Variants in BCAS3 observed in about 807,000 individuals in gnomAD.
BCAS3 encodes the protein BCAS4/BCAS3 fusion.
Under a neutral mutation model 116.1 loss-of-function variants are expected in BCAS3, and 53 were observed. The observed-to-expected ratio is 0.46, with a 90% CI of 0.37 to 0.57. The LOEUF (loss-of-function observed/expected upper bound fraction) is 0.57. BCAS3 is among the 20% of genes least tolerant of loss of function. The pLI is 0.00. For missense variants in BCAS3, 917 were observed against 1,165.4 expected, an observed-to-expected ratio of 0.79 and a Z score of 3.10; for synonymous variants, 391 against 408.2, an observed-to-expected ratio of 0.96 and a Z score of 0.51.
chr17:61,088,487 CT>C lies in BCAS3; in HGVS notation c.2425+3926del, dbSNP rs1340461418. Among the ~76,000 whole-genome samples, 1 of 152,192 alleles carries C rather than the reference CT, an allele frequency of 6.6e-6. No homozygotes were observed. The highest frequency in any genetic ancestry group is 2.4e-5 in the African/African-American group (1 of 41,448). On this transcript the variant is annotated intron_variant, in intron 22 of 23. Coordinates refer to ENST00000407086, the MANE Select transcript of BCAS3 (RefSeq NM_017679.5). The surrounding 1 kb of genome is among the most constrained non-coding windows in gnomAD (Gnocchi z 4.2). The stretch of plus-strand genomic sequence containing the variant: ...ATTTTGGCTAGATAGCTAAGAATTT[CT>C]TTCTATTCTTTGTACCTTATAACCT...
At chr17:60,855,181 C>T (rs2053561768) in intron 7 of BCAS3, among the ~76,000 whole-genome samples, 1 of 151,116 alleles carries the variant, frequency 6.6e-6, no homozygotes, top group African/African-American at 2.4e-5. Context: ...AACTCCTGAC[C>T]TCGTGATCTA....
At chr17:60,917,046 T>A (rs1025174498) in intron 12 of BCAS3, among the ~76,000 whole-genome samples, 1 of 152,158 alleles carries the variant, frequency 6.6e-6, no homozygotes. Flanking sequence ...AATATATATC[T>A]ACGATAAAAC....
intron 22 of BCAS3, among the ~76,000 whole-genome samples, chr17:61,135,394 T>G (rs892849109): frequency 2.0e-5 from 3 of 152,258 alleles, no homozygotes; most frequent in African/African-American, 7.2e-5. Context: ...AATAAGCTTT[T>G]TATTCCTTTG....
At chr17:60,708,522 CTAATAA>C (rs138967495) in intron 4 of BCAS3, among the ~76,000 whole-genome samples, 1 of 151,772 alleles carries the variant, frequency 6.6e-6, no homozygotes, top group African/African-American at 2.4e-5. Context: ...CCAAGCCCAG[CTAATAA>C]TAATAATAAT....
At chr17:61,167,538 C>T (rs2078583187) in intron 22 of BCAS3, among the ~76,000 whole-genome samples, 1 of 152,170 alleles carries the variant, frequency 6.6e-6, no homozygotes, top group East Asian at 1.9e-4. Flanking sequence ...CACAATCTAG[C>T]AGATGTCTGT....
chr17:60,755,447 A>G (rs866710742), intron 6 of BCAS3, among the ~76,000 whole-genome samples: 1 of 152,150 alleles, frequency 6.6e-6, no homozygotes, highest in Non-Finnish European at 1.5e-5. Context: ...TGAAACTGAA[A>G]CTTGTAATAT....
rs1450270102 is a variant in BCAS3, at chr17:61,343,699, G to A, written c.2426-24628G>A. Among the ~76,000 whole-genome samples, 5 of 152,228 alleles carry A rather than the reference G, an allele frequency of 3.3e-5. No individual in the cohort carries two copies. The highest frequency in any genetic ancestry group is 5.9e-5 in the Non-Finnish European group (4 of 68,046). On this transcript the variant is annotated intron_variant, in intron 22 of 23. Coordinates refer to ENST00000407086, the MANE Select transcript of BCAS3 (RefSeq NM_017679.5). The surrounding 1 kb of genome is among the most constrained non-coding windows in gnomAD (Gnocchi z 5.5). ...GTGTGATCAGATGTCTCTCCTGTCAGATTCCCTTTCCAATATTATCCTCCA... is the reference window on the plus strand; with the variant it reads ...GTGTGATCAGATGTCTCTCCTGTCAAATTCCCTTTCCAATATTATCCTCCA...
Position 61,044,201 on chromosome 17 carries a change from A to G in BCAS3, c.2029+3309A>G, listed in dbSNP as rs1453675997. 2.0e-5 allele frequency among the ~76,000 whole-genome samples: 3 copies of G among 151,876 alleles called. No homozygotes were observed. In the East Asian group the frequency reaches 5.8e-4, roughly 29 times the overall value. ...GGTGGCTCAGGCCTGTAATCCCAGC[A>G]CTTTCGGAGACCAAGGCCGGCAGAT... On this transcript the variant is annotated intron_variant, in intron 19 of 23. Transcript: ENST00000407086.
chr17:60,713,112 T>A (rs2038129652), intron 5 of BCAS3, among the ~76,000 whole-genome samples: 1 of 151,906 alleles, frequency 6.6e-6, no homozygotes, highest in Non-Finnish European at 1.5e-5. Flanking sequence ...CTTGAGAGAG[T>A]CCCTCCTTGT....
intron 13 of BCAS3, among the ~76,000 whole-genome samples, chr17:60,936,587 A>C (rs1414087259): frequency 2.0e-5 from 3 of 152,032 alleles, no homozygotes; most frequent in Non-Finnish European, 4.4e-5. Flanking sequence ...AGTGGTTTTG[A>C]TTTGCATTTC....
intron 7 of BCAS3, among the ~76,000 whole-genome samples, chr17:60,856,698 A>G (rs934065967): frequency 6.7e-6 from 1 of 149,846 alleles, no homozygotes; most frequent in Non-Finnish European, 1.5e-5. Context: ...CCAAAAAAAT[A>G]AAAAAAAAAT....
intron 5 of BCAS3, among the ~76,000 whole-genome samples, chr17:60,716,100 C>T (rs1374460682): frequency 6.7e-6 from 1 of 149,654 alleles, no homozygotes; most frequent in Non-Finnish European, 1.5e-5. Flanking sequence ...TGACCTTGTG[C>T]TGTGCCCGCC....
chr17:60,949,329 C>T (rs1217409614), intron 14 of BCAS3, among the ~76,000 whole-genome samples: 1 of 152,168 alleles, frequency 6.6e-6, no homozygotes, highest in Non-Finnish European at 1.5e-5. Context: ...AGGATCATAG[C>T]TGAGTACAGC....
rs114703225 is a variant in BCAS3 at position 61,012,163 on chromosome 17, G to C, written c.1487-3588G>C. 8.9e-3 allele frequency among the ~76,000 whole-genome samples: 1,349 copies of C among 151,622 alleles called. 23 individuals are homozygous for C. Among genetic ancestry groups the C allele is most frequent in the African/African-American group, 0.03 (1,260 of 41,392 alleles). On this transcript the variant is annotated intron_variant, in intron 15 of 23. Coordinates refer to ENST00000407086, the MANE Select transcript of BCAS3 (RefSeq NM_017679.5). This position sits in a 1 kb window ranked among gnomAD's most constrained non-coding sequence, Gnocchi z 4.5. ...GGTTTTCTCCCATTTTTCATTTTTT[G>C]TTAATATGTCTTTCTGTAACATTAC... is the stretch of plus-strand genomic sequence containing the variant.
intron 7 of BCAS3, among the ~76,000 whole-genome samples, chr17:60,828,396 T>G (rs1001918278): frequency 1.3e-5 from 2 of 152,234 alleles, no homozygotes; most frequent in East Asian, 1.9e-4. Context: ...ACCATTTTTT[T>G]GGGGGGGAAA....
rs1286228417 is a variant in BCAS3, at chr17:61,327,619, C to T, written c.2426-40708C>T. On this transcript the variant is annotated intron_variant, in intron 22 of 23. Transcript: ENST00000407086. This position sits in a 1 kb window ranked among gnomAD's most constrained non-coding sequence, Gnocchi z 5.9. Reference sequence around the variant, plus strand: ...CCGCCTCCCGGGTTCAAGACATTCTCCTGCCTCAGCCTCCCGAGTAGCTGG... The same window carrying T: ...CCGCCTCCCGGGTTCAAGACATTCTTCTGCCTCAGCCTCCCGAGTAGCTGG... Among the ~76,000 whole-genome samples the T allele has an allele frequency of 6.6e-6, 1 of 152,100 alleles. No homozygotes were observed. The highest frequency in any genetic ancestry group is 2.4e-5 in the African/African-American group (1 of 41,414).
chr17:61,097,855 T>C lies in BCAS3; in HGVS notation c.2425+13291T>C, dbSNP rs1369141618. Reference sequence around the variant, plus strand: ...GACACCTCAGATAAGTCTAAACCTCTTTCTACCCTGCCTAATCAAATATTC... The same window carrying C: ...GACACCTCAGATAAGTCTAAACCTCCTTCTACCCTGCCTAATCAAATATTC... On this transcript the variant is annotated intron_variant, in intron 22 of 23. Transcript: ENST00000407086. The surrounding 1 kb of genome is among the most constrained non-coding windows in gnomAD (Gnocchi z 4.0). Among the ~76,000 whole-genome samples the C allele has an allele frequency of 6.6e-6, 1 of 152,230 alleles. No individual in the cohort carries two copies. The highest frequency in any genetic ancestry group is 2.4e-5 in the African/African-American group (1 of 41,468).
intron 22 of BCAS3, among the ~76,000 whole-genome samples, chr17:61,115,719 G>T (rs937095797): frequency 2.1e-4 from 30 of 144,196 alleles, no homozygotes; most frequent in Admixed American, 1.9e-3. Context: ...AATACCATTT[G>T]ACCCAGCCAT....
chr17:60,776,132 G>T (rs2032025121), intron 6 of BCAS3, among the ~76,000 whole-genome samples: 1 of 152,152 alleles, frequency 6.6e-6, no homozygotes, highest in African/African-American at 2.4e-5. Context: ...TTTGCCCTGA[G>T]AAATTTTCTT....
Sources: gnomAD v4.1 joint callset for allele counts (sites outside exome capture counted in the v4.1 genomes callset) on GRCh38, gnomAD v4.1.1 for gene constraint, Gnocchi (gnomAD v3.1) non-coding constraint, MANE v1.5 for transcripts, NCBI Gene and HGNC (gene_info 2026-07-23, HGNC 2026-07-21) for gene names.